The following WWC1 variants were observed in gnomAD, a reference collection of about 807,000 sequenced individuals.
WWC1 encodes WW and C2 domain containing 1.
A neutral mutation model predicts 138.4 loss-of-function variants in WWC1; 55 were observed. That is an observed-to-expected ratio of 0.40 (90% CI 0.32 to 0.50). WWC1 has a LOEUF of 0.50. Ranked by LOEUF, WWC1 falls within the 20% of genes least tolerant of loss-of-function variation. WWC1 has a pLI of 0.72. For synonymous variants in WWC1, 524 were observed against 564.9 expected (o/e 0.93, Z 1.03); for missense variants, 1,226 against 1,420.4 (o/e 0.86, Z 2.20).
chr5:168,419,172 C>T (rs948493204), intron 9 of WWC1, among the ~76,000 whole-genome samples: 4 of 152,186 alleles, frequency 2.6e-5, no homozygotes, highest in Admixed American at 2.6e-4. Context: ...GAAATGAGCC[C>T]TTTCTCCCAG....
chr5:168,318,311 T>C (rs912439217), intron 1 of WWC1, among the ~76,000 whole-genome samples: 2 of 152,188 alleles, frequency 1.3e-5, no homozygotes, highest in Non-Finnish European at 2.9e-5. Context: ...TTTTTAAAAA[T>C]TTATTTTTAA....
rs1756222893 is a variant in WWC1, at chr5:168,455,401, G to T, written c.2704G>T (p.Val902Leu). The T allele has an allele frequency of 6.2e-7, 1 of 1,608,882 alleles. No homozygotes were observed. Among genetic ancestry groups the T allele is most frequent in the African/African-American group, 1.3e-5 (1 of 74,676 alleles). ...NTETPAPSPT[V>L]VRPKDRRVGT... Reference sequence around the variant, plus strand: ...GGAGACCCCGGCCCCATCCCCCACAGTGGTGCGACCTAAGGACCGGAGAGT... The same window carrying T: ...GGAGACCCCGGCCCCATCCCCCACATTGGTGCGACCTAAGGACCGGAGAGT... The change falls in exon 19 of 23, where the codon GTG becomes TTG. Residue 902 changes from valine (V) to leucine (L), a missense_variant. This residue lies in a region of WWC1 where 1,016 missense variants were observed against 1,153.9 expected (regional missense o/e 0.88). Transcript: ENST00000265293.
rs768819480 is a variant in WWC1, at chr5:168,423,848, C to T, written c.1590C>T (p.Ser530=). Residue 530 remains serine (S), a synonymous_variant, in exon 11 of 23, where the codon TCC becomes TCT. Transcript: ENST00000265293. ...ALRSLSGTPK[S]MTSLSPRSSL... is the part of the protein sequence containing the mutation. ...GTTCCCTGTCTGGCACCCCAAAGTC[C>T]ATGACCTCCCTATCCCCACGTTCCT... The T allele has an allele frequency of 9.6e-5, 155 of 1,614,016 alleles. No individual in the cohort carries two copies. Among genetic ancestry groups the T allele is most frequent in the Non-Finnish European group, 1.2e-4 (144 of 1,180,026 alleles).
chr5:168,406,114 G>A (rs1645976033), intron 5 of WWC1, 84 bp from the exon 6 acceptor site: 1 of 1,524,308 alleles, frequency 6.6e-7, no homozygotes, highest in African/African-American at 1.4e-5. Context: ...AGGGACTGAA[G>A]TCCTGTGGTC....
chr5:168,386,655 A>G (rs554550202), intron 3 of WWC1, among the ~76,000 whole-genome samples: 186 of 146,932 alleles, frequency 1.3e-3, no homozygotes, highest in African/African-American at 4.6e-3. Context: ...TCAGCCTCCC[A>G]AAGTGCTGGG....
At chr5:168,467,218 C>A (rs558299995) in intron 21 of WWC1, among the ~76,000 whole-genome samples, 8 of 152,272 alleles carry the variant, frequency 5.3e-5, no homozygotes, top group Non-Finnish European at 8.8e-5. Context: ...AGATTGCGCC[C>A]CTACACTCCA....
At chr5:168,306,430 T>C (rs1294645971) in intron 1 of WWC1, among the ~76,000 whole-genome samples, 1 of 152,122 alleles carries the variant, frequency 6.6e-6, no homozygotes, top group Non-Finnish European at 1.5e-5. Flanking sequence ...GGAATGTCAG[T>C]TACCTTGCTG....
chr5:168,468,843 C>T, intron 22 of WWC1, 108 bp from the exon 23 acceptor site: 1 of 1,171,328 alleles, frequency 8.5e-7, no homozygotes, highest in East Asian at 2.4e-5. Flanking sequence ...GCTAAACATT[C>T]TGCAGCGAAT....
intron 1 of WWC1, among the ~76,000 whole-genome samples, chr5:168,321,521 A>AT (rs1167526026): frequency 6.7e-6 from 1 of 150,204 alleles, no homozygotes; most frequent in Non-Finnish European, 1.5e-5. Context: ...GCCTTCTCTC[A>AT]TAGGGCAATA....
chr5:168,443,921 T>C (rs75162800), intron 16 of WWC1, among the ~76,000 whole-genome samples: 5,934 of 152,348 alleles, frequency 0.039, 166 homozygotes, highest in Non-Finnish European at 0.055. Context: ...CAATTAATCT[T>C]CATAACAACC....
intron 3 of WWC1, among the ~76,000 whole-genome samples, chr5:168,394,398 G>A (rs1006087157): frequency 6.6e-6 from 1 of 152,150 alleles, no homozygotes; most frequent in African/African-American, 2.4e-5. Context: ...AAACTTTGGG[G>A]CAAGATAGTA....
chr5:168,447,671 T>C (rs1755399752), intron 17 of WWC1, among the ~76,000 whole-genome samples: 1 of 152,156 alleles, frequency 6.6e-6, no homozygotes, highest in Non-Finnish European at 1.5e-5. Context: ...TCTCTTACTA[T>C]TTTTTTCATG....
At chr5:168,366,801 A>G (rs1005141415) in intron 1 of WWC1, among the ~76,000 whole-genome samples, 1 of 98,930 alleles carries the variant, frequency 1.0e-5, no homozygotes, top group Admixed American at 1.2e-4. Flanking sequence ...ACTTTGAAAC[A>G]CTTTTTTTTT....
intron 4 of WWC1, 112 bp downstream of exon 4, chr5:168,397,912 G>C (rs1479345923): frequency 8.9e-7 from 1 of 1,122,204 alleles, no homozygotes; most frequent in Non-Finnish European, 1.3e-6. Flanking sequence ...ATGACAGCCA[G>C]TGCTAGCAAG....
rs992719274 is a variant in WWC1 at position 168,431,346 on chromosome 5, G to A, written c.2182G>A (p.Glu728Lys). The A allele has an allele frequency of 1.3e-5, 21 of 1,614,084 alleles. No individual in the cohort carries two copies. The highest frequency in any genetic ancestry group is 1.8e-5 in the Non-Finnish European group (21 of 1,180,042). The change falls in exon 15 of 23, where the codon GAG becomes AAG. Residue 728 changes from glutamate to lysine, a missense_variant. Coordinates refer to ENST00000265293, the MANE Select transcript of WWC1 (RefSeq NM_015238.3). ...LDASDTLVFN[E>K]VFWVSMSYPA... The stretch of plus-strand genomic sequence containing the variant: ...CGCCTCAGACACTCTAGTGTTCAAT[G>A]AGGTGTTCTGGGTATCCATGTCCTA...
chr5:168,401,443 C>G (rs1260612767), intron 5 of WWC1, among the ~76,000 whole-genome samples: 1 of 152,152 alleles, frequency 6.6e-6, no homozygotes, highest in Non-Finnish European at 1.5e-5. Flanking sequence ...TCAAATCCAC[C>G]CTCATCATTC....
intron 1 of WWC1, among the ~76,000 whole-genome samples, chr5:168,359,954 T>A (rs976423509): frequency 1.3e-5 from 2 of 152,114 alleles, no homozygotes; most frequent in Admixed American, 1.3e-4. Flanking sequence ...AGCTTAAGAG[T>A]CCTGCTTTGG....
At chr5:168,435,998 ACACC>A (rs1782324165) in intron 15 of WWC1, among the ~76,000 whole-genome samples, 1 of 151,988 alleles carries the variant, frequency 6.6e-6, no homozygotes, top group Non-Finnish European at 1.5e-5. Context: ...ACGCGCCACC[ACACC>A]TGGCTAATTT....
At chr5:168,419,709 C>T (rs4976550) in intron 9 of WWC1, among the ~76,000 whole-genome samples, 16,297 of 152,214 alleles carry the variant, frequency 0.11, 963 homozygotes, top group African/African-American at 0.14. Context: ...GCCCAGGTCA[C>T]GAGTTTGTGA....
Sources: gnomAD v4.1 joint callset for allele counts (sites outside exome capture counted in the v4.1 genomes callset) on GRCh38, gnomAD v4.1.1 for gene constraint, gnomAD v4.1.1 regional missense constraint, MANE v1.5 for transcripts, NCBI Gene and HGNC (gene_info 2026-07-23, HGNC 2026-07-21) for gene names.